Variants in TAOK3 observed in about 807,000 individuals in gnomAD.
TAOK3 encodes TAO kinase 3, also known as serine/threonine-protein kinase TAO3.
Under a neutral mutation model 120.4 loss-of-function variants are expected in TAOK3, and 40 were observed. The ratio of observed to expected loss-of-function variants is 0.33; its 90% confidence interval spans 0.26 to 0.43. The LOEUF is 0.43. Ranked by LOEUF, TAOK3 falls within the 20% of genes least tolerant of loss-of-function variation. TAOK3 has a pLI of 1.00. For missense variants in TAOK3, 821 were observed against 1,112.1 expected, an observed-to-expected ratio of 0.74 and a Z score of 3.72; for synonymous variants, 355 against 387.5, an observed-to-expected ratio of 0.92 and a Z score of 0.99.
rs116267888 is a variant in TAOK3, at chr12:118,191,334, A to G, written c.1195-1393T>C. ...TTTAAATTTATGTATTATAGCTCAA[A>G]TAATGAAGGGATCTTTAATAAACTT... On this transcript the variant is annotated intron_variant, in intron 13 of 20. Transcript: ENST00000392533. 3.0e-3 allele frequency among the ~76,000 whole-genome samples: 454 copies of G among 152,332 alleles called. 4 individuals carry two copies. Among genetic ancestry groups the G allele is most frequent in the African/African-American group, 0.01 (416 of 41,582 alleles).
At position 118,172,719 on chromosome 12, in the gene TAOK3, T is replaced by C. The variant is rs1003690710; in HGVS notation, c.1696-59A>G. The C allele has an allele frequency of 5.7e-6, 8 of 1,396,826 alleles. No individual in the cohort carries two copies. The African/African-American group carries it at 1.1e-4, about 20-fold the overall frequency. The allele number at this position is 1,396,826 out of a possible 1,614,324, so 86.5% of individuals were successfully genotyped here. On this transcript the variant is annotated intron_variant, in intron 16 of 20. Coordinates refer to ENST00000392533, the MANE Select transcript of TAOK3 (RefSeq NM_016281.4). ...ACTAAATGAAAGGGACTGTAACAGC[T>C]TATTGCAACTGAAGATTAAGTTATT...
intron 16 of TAOK3, among the ~76,000 whole-genome samples, chr12:118,174,626 C>T (rs1459295024): frequency 4.0e-5 from 6 of 151,848 alleles, no homozygotes; most frequent in African/African-American, 7.3e-5. Context: ...TGAGTGGACG[C>T]GTGGAGTTAG....
intron 9 of TAOK3, among the ~76,000 whole-genome samples, chr12:118,231,283 ATGTC>A (rs934049692): frequency 1.3e-5 from 2 of 151,886 alleles, no homozygotes; most frequent in Non-Finnish European, 2.9e-5. Context: ...CTTTCACTGT[ATGTC>A]TTTTTATGTT....
chr12:118,344,274 G>A (rs906568118), intron 1 of TAOK3, among the ~76,000 whole-genome samples: 5 of 150,456 alleles, frequency 3.3e-5, no homozygotes, highest in African/African-American at 1.2e-4. Flanking sequence ...TTTAAAACAA[G>A]ACAAAAGCAT....
At chr12:118,167,906 C>T (rs894475080) in intron 17 of TAOK3, among the ~76,000 whole-genome samples, 1 of 152,152 alleles carries the variant, frequency 6.6e-6, no homozygotes, top group African/African-American at 2.4e-5. Context: ...GCTTTACCAG[C>T]GTGGCTCTTC....
chr12:118,335,295 G>A (rs1204068669), intron 1 of TAOK3, among the ~76,000 whole-genome samples: 1 of 152,074 alleles, frequency 6.6e-6, no homozygotes, highest in East Asian at 1.9e-4. Context: ...TGAGACAGGA[G>A]GTAATACAGA....
At chr12:118,176,771 T>A (rs2036362947) in intron 16 of TAOK3, among the ~76,000 whole-genome samples, 1 of 143,870 alleles carries the variant, frequency 7.0e-6, no homozygotes, top group Non-Finnish European at 1.5e-5. Context: ...TTTTAGGTAA[T>A]TTTTTTTTTT....
chr12:118,301,269 T>C (rs756408097), intron 1 of TAOK3, among the ~76,000 whole-genome samples: 7 of 152,128 alleles, frequency 4.6e-5, no homozygotes, highest in Non-Finnish European at 1.0e-4. Flanking sequence ...AAAGCTCCAT[T>C]AAAGCTGCAA....
chr12:118,296,740 A>AG (rs1462975214), intron 1 of TAOK3, among the ~76,000 whole-genome samples: 1 of 152,258 alleles, frequency 6.6e-6, no homozygotes, highest in East Asian at 1.9e-4. Flanking sequence ...ATTTTAAAAA[A>AG]GAATCAATAT....
intron 1 of TAOK3, among the ~76,000 whole-genome samples, chr12:118,353,981 ATGTAAGAATTAGTTTTAATATT>A (rs2045289931): frequency 6.6e-6 from 1 of 152,168 alleles, no homozygotes; most frequent in Non-Finnish European, 1.5e-5. Context: ...AAATCTGCTT[ATGTAAGAATTAGTTTTAATATT>A]TTCAATACGT....
chr12:118,273,044 A>G (rs1270012208), intron 1 of TAOK3, among the ~76,000 whole-genome samples: 1 of 152,170 alleles, frequency 6.6e-6, no homozygotes, highest in Non-Finnish European at 1.5e-5. Flanking sequence ...ATGCTGCCCT[A>G]AGTCATACTT....
intron 1 of TAOK3, among the ~76,000 whole-genome samples, chr12:118,362,743 T>G (rs974244085): frequency 1.3e-5 from 2 of 151,922 alleles, no homozygotes; most frequent in African/African-American, 2.4e-5. Context: ...AGGCCAGGTG[T>G]GCAGCGGCTC....
intron 5 of TAOK3, among the ~76,000 whole-genome samples, chr12:118,239,778 A>G (rs1001498906): frequency 6.6e-6 from 1 of 152,230 alleles, no homozygotes; most frequent in African/African-American, 2.4e-5. Flanking sequence ...CTGAAGATGT[A>G]GCCTGCTATG....
At chr12:118,252,255 C>CA (rs1309860994) in intron 3 of TAOK3, among the ~76,000 whole-genome samples, 32 of 152,280 alleles carry the variant, frequency 2.1e-4, no homozygotes, top group African/African-American at 6.3e-4. Flanking sequence ...GTAAGCAAAA[C>CA]AAACAGGTCA....
chr12:118,253,466 G>A (rs1395485091), intron 3 of TAOK3, among the ~76,000 whole-genome samples: 2 of 152,196 alleles, frequency 1.3e-5, no homozygotes, highest in East Asian at 3.8e-4. Context: ...GCCTGGCACG[G>A]TGGCTCACGC....
At chr12:118,262,584 T>C (rs894488209) in intron 2 of TAOK3, among the ~76,000 whole-genome samples, 1 of 151,982 alleles carries the variant, frequency 6.6e-6, no homozygotes, top group African/African-American at 2.4e-5. Flanking sequence ...CCCAGTACTT[T>C]GGGAGGCTGA....
At position 118,215,330 on chromosome 12, in the gene TAOK3, CA is replaced by C. The variant is rs759313035; in HGVS notation, c.644-1221del. On this transcript the variant is annotated intron_variant, in intron 9 of 20. Transcript: ENST00000392533. ...CTAACACGGTGAAAGCCCGTCTCTA[CA>C]AAAAAAAAAAAAAAAAAGAAATACA... 6.8e-3 allele frequency among the ~76,000 whole-genome samples: 607 copies of C among 89,606 alleles called. 4 individuals carry two copies. Among genetic ancestry groups the C allele is most frequent in the Admixed American group, 0.019 (152 of 8,074 alleles). The allele number at this position is 89,606 out of a possible 152,430, so 58.8% of individuals were successfully genotyped here.
intron 9 of TAOK3, among the ~76,000 whole-genome samples, chr12:118,223,386 G>T (rs868566760): frequency 6.6e-6 from 1 of 150,534 alleles, no homozygotes; most frequent in African/African-American, 2.5e-5. Context: ...TCGCTCTGTC[G>T]CCCAGGCTGG....
chr12:118,225,276 C>T lies in TAOK3; in HGVS notation c.643+8398G>A, dbSNP rs1465854478. 5.9e-5 allele frequency among the ~76,000 whole-genome samples: 8 copies of T among 135,470 alleles called. 1 individual carries two copies. In the South Asian group the frequency reaches 2.0e-3, roughly 33 times the overall value. The allele number at this position is 135,470 out of a possible 152,430, so 88.9% of individuals were successfully genotyped here. A position where few individuals can be genotyped will look rare whatever the true frequency, so the allele number is the denominator to read the frequency against. On this transcript the variant is annotated intron_variant, in intron 9 of 20. Transcript: ENST00000392533. ...AAAAAAAAAAAAAAAAAAGATACAACTTAAAAATATACTATTGGTATTAAC... is the reference window on the plus strand; with the variant it reads ...AAAAAAAAAAAAAAAAAAGATACAATTTAAAAATATACTATTGGTATTAAC...
Sources: allele counts gnomAD v4.1 joint callset (sites outside exome capture counted in the v4.1 genomes callset), GRCh38; gene constraint gnomAD v4.1.1; transcripts MANE v1.5; gene names NCBI Gene and HGNC (gene_info 2026-07-23, HGNC 2026-07-21).